Variants in RAB3B observed in about 807,000 individuals in gnomAD.
The protein encoded by RAB3B is RAB3B, member RAS oncogene family, also known as ras-related protein Rab-3B.
Under a neutral mutation model 20.5 loss-of-function variants are expected in RAB3B, and 11 were observed. The observed-to-expected ratio is 0.54, with a 90% CI of 0.34 to 0.89. RAB3B has a LOEUF of 0.89. Among genes scored for constraint, RAB3B ranks in the 40% least tolerant of loss-of-function variants. The probability of loss-of-function intolerance (pLI) is 0.02; values close to 1 mark genes in which losing one functional copy is unlikely to be tolerated. For synonymous variants in RAB3B, 99 were observed against 106.3 expected, an observed-to-expected ratio of 0.93 and a Z score of 0.42; for missense variants, 225 against 280.9, an observed-to-expected ratio of 0.80 and a Z score of 1.42.
intron 2 of RAB3B, among the ~76,000 whole-genome samples, chr1:51,974,805 T>C (rs909348986): frequency 2.6e-5 from 4 of 152,208 alleles, no homozygotes; most frequent in African/African-American, 4.8e-5. Context: ...AATTGTGAGA[T>C]AGTATATGGG....
At chr1:51,958,911 G>A (rs1040169589) in intron 2 of RAB3B, among the ~76,000 whole-genome samples, 1 of 152,190 alleles carries the variant, frequency 6.6e-6, no homozygotes, top group Non-Finnish European at 1.5e-5. Flanking sequence ...TCAACTTTGA[G>A]AGGTATACAG....
intron 2 of RAB3B, among the ~76,000 whole-genome samples, chr1:51,944,231 A>G (rs533129341): frequency 4.6e-5 from 7 of 152,322 alleles, no homozygotes; most frequent in Non-Finnish European, 7.3e-5. Flanking sequence ...ATGACAACAC[A>G]TCTGTTTACA....
At chr1:51,967,321 A>T (rs984774538) in intron 2 of RAB3B, among the ~76,000 whole-genome samples, 2 of 151,818 alleles carry the variant, frequency 1.3e-5, no homozygotes, top group Non-Finnish European at 1.5e-5. Flanking sequence ...CTCAAAAAAT[A>T]AATTAATTAA....
At chr1:51,969,230 G>A (rs999924634) in intron 2 of RAB3B, among the ~76,000 whole-genome samples, 8 of 152,164 alleles carry the variant, frequency 5.3e-5, no homozygotes, top group African/African-American at 1.4e-4. Flanking sequence ...CCAGGAGGTC[G>A]AGGCTGCAGT....
intron 2 of RAB3B, chr1:51,973,403 C>T (rs1426453493): frequency 2.0e-5 from 3 of 152,114 alleles, no homozygotes; most frequent in African/African-American, 7.2e-5. Context: ...ATGAGATTGA[C>T]CATGTCATCT....
intron 4 of RAB3B, among the ~76,000 whole-genome samples, chr1:51,926,942 G>A (rs1014463641): frequency 1.3e-5 from 2 of 152,124 alleles, no homozygotes; most frequent in Non-Finnish European, 2.9e-5. Context: ...AATATACTAT[G>A]TACTATACAG....
intron 1 of RAB3B, among the ~76,000 whole-genome samples, chr1:51,985,271 G>A (rs1685137388): frequency 6.6e-6 from 1 of 152,152 alleles, no homozygotes; most frequent in Non-Finnish European, 1.5e-5. Flanking sequence ...ATTTGGGCCT[G>A]TTTTACAATT....
At chr1:51,926,395 C>T (rs186934991) in intron 4 of RAB3B, among the ~76,000 whole-genome samples, 1 of 152,284 alleles carries the variant, frequency 6.6e-6, no homozygotes, top group Non-Finnish European at 1.5e-5. Flanking sequence ...ATACGTCTCC[C>T]CACTCCATTG....
intron 1 of RAB3B, among the ~76,000 whole-genome samples, chr1:51,981,023 A>T (rs1035793486): frequency 6.6e-6 from 1 of 151,948 alleles, no homozygotes; most frequent in African/African-American, 2.4e-5. Context: ...AATTATTATT[A>T]TTTTTATTTT....
rs888421308 is a variant in RAB3B at position 51,912,261 on chromosome 1, T to G, written c.*7666A>C. ...GATCCTCCCACCTCAGCCTCCCAAG[T>G]AGCTGGGACTATAGGTGCAGGCTAC... On this transcript the variant is annotated 3_prime_UTR_variant, in exon 5 of 5. Transcript: ENST00000371655. The G allele has an allele frequency of 4.6e-5, 7 of 151,322 alleles. No homozygotes were observed. The highest frequency in any genetic ancestry group is 1.7e-4 in the African/African-American group (7 of 41,182). The allele number at this position is 151,322 out of a possible 1,614,324, so 9.4% of individuals were successfully genotyped here.
chr1:51,953,762 C>T (rs1206256808), intron 2 of RAB3B, among the ~76,000 whole-genome samples: 1 of 152,190 alleles, frequency 6.6e-6, no homozygotes, highest in African/African-American at 2.4e-5. Context: ...GGTCGTGCCA[C>T]TGCACTCCAG....
chr1:51,954,104 G>T (rs1684675441), intron 2 of RAB3B, among the ~76,000 whole-genome samples: 1 of 152,156 alleles, frequency 6.6e-6, no homozygotes, highest in Non-Finnish European at 1.5e-5. Context: ...AACAATGGGG[G>T]GAAACTGAGC....
intron 2 of RAB3B, among the ~76,000 whole-genome samples, chr1:51,954,993 A>G (rs997949172): frequency 6.6e-6 from 1 of 152,234 alleles, no homozygotes; most frequent in Non-Finnish European, 1.5e-5. Flanking sequence ...AGTGTGTCCA[A>G]CATAGGGCCT....
chr1:51,934,994 C>T (rs886318719), intron 3 of RAB3B, among the ~76,000 whole-genome samples: 1 of 152,114 alleles, frequency 6.6e-6, no homozygotes, highest in African/African-American at 2.4e-5. Context: ...GTCTCCTGCA[C>T]GTTCACCATG....
chr1:51,941,050 T>C (rs1391324759), intron 2 of RAB3B, among the ~76,000 whole-genome samples: 2 of 152,130 alleles, frequency 1.3e-5, no homozygotes, highest in African/African-American at 4.8e-5. Flanking sequence ...GAAGGCATAA[T>C]GATTCCCATG....
Position 51,919,803 on chromosome 1 carries a change from A to G in RAB3B, c.*124T>C, listed in dbSNP as rs1291359079. ...GGCAGGCAAAGAATAGCAGCAACTC[A>G]TCTTGCTCTGAGTGTGGGCAGTGTG... On this transcript the variant is annotated 3_prime_UTR_variant, in exon 5 of 5. Transcript: ENST00000371655. 2 of 1,002,702 alleles carry G rather than the reference A, an allele frequency of 2.0e-6. No individual in the cohort carries two copies. Among genetic ancestry groups the G allele is most frequent in the African/African-American group, 1.6e-5 (1 of 61,172 alleles). 62.1% of individuals were successfully genotyped at this position (1,002,702 alleles called of 1,614,324 possible).
chr1:51,974,318 T>C (rs1181140525), intron 2 of RAB3B, among the ~76,000 whole-genome samples: 2 of 152,234 alleles, frequency 1.3e-5, no homozygotes, highest in African/African-American at 2.4e-5. Flanking sequence ...TAAGTGGTTC[T>C]ACAATGTTAG....
chr1:51,947,878 C>T (rs915836331), intron 2 of RAB3B, among the ~76,000 whole-genome samples: 1 of 152,044 alleles, frequency 6.6e-6, no homozygotes, highest in Non-Finnish European at 1.5e-5. Flanking sequence ...TGAGTGCTTC[C>T]AACTTGGACA....
intron 2 of RAB3B, among the ~76,000 whole-genome samples, chr1:51,960,545 G>A (rs1684771536): frequency 6.6e-6 from 1 of 152,122 alleles, no homozygotes; most frequent in Non-Finnish European, 1.5e-5. Flanking sequence ...CAACGGTGTG[G>A]GGGAAGGAGG....
Sources: allele counts gnomAD v4.1 joint callset (sites outside exome capture counted in the v4.1 genomes callset), GRCh38; gene constraint gnomAD v4.1.1; transcripts MANE v1.5; gene names NCBI Gene and HGNC (gene_info 2026-07-23, HGNC 2026-07-21).